The following GABRB3 variants were observed in gnomAD, a reference collection of about 807,000 sequenced individuals.
GABRB3 encodes gamma-aminobutyric acid type A receptor subunit beta3, also known as gamma-aminobutyric acid receptor subunit beta-3.
A neutral mutation model predicts 52.1 loss-of-function variants in GABRB3; 14 were observed. The observed-to-expected ratio is 0.27, with a 90% confidence interval of 0.18 to 0.42. The LOEUF (loss-of-function observed/expected upper bound fraction) is 0.42, where lower values mean the gene tolerates loss of function less well. GABRB3 is among the 10% of genes least tolerant of loss of function. GABRB3 has a pLI of 1.00. For missense variants in GABRB3, 307 were observed against 609.1 expected (o/e 0.50, Z 5.22); for synonymous variants, 260 against 232.3 (o/e 1.12, Z -1.08).
At chr15:26,608,101 G>C (rs1891910131) in intron 4 of GABRB3, among the ~76,000 whole-genome samples, 1 of 121,092 alleles carries the variant, frequency 8.3e-6, no homozygotes, top group Non-Finnish European at 1.6e-5. Flanking sequence ...CATGGTACTG[G>C]CAAAAAAAAA....
intron 3 of GABRB3, among the ~76,000 whole-genome samples, chr15:26,679,850 A>C (rs1389158335): frequency 1.3e-5 from 2 of 152,174 alleles, no homozygotes; most frequent in Non-Finnish European, 2.9e-5. Flanking sequence ...GGCACTTGTC[A>C]ATCATATGTG....
At chr15:26,611,653 G>T (rs566467650) in intron 4 of GABRB3, among the ~76,000 whole-genome samples, 2 of 152,312 alleles carry the variant, frequency 1.3e-5, no homozygotes, top group South Asian at 4.1e-4. Flanking sequence ...GCATGTCTGT[G>T]TAAGGCATAT....
At position 26,545,885 on chromosome 15, in the gene GABRB3, T is replaced by A. The variant is rs1233599773; in HGVS notation, c.*1908A>T. 2 of 152,586 alleles carry A rather than the reference T, an allele frequency of 1.3e-5. No individual in the cohort carries two copies. The highest frequency in any genetic ancestry group is 4.8e-5 in the African/African-American group (2 of 41,438). The allele number at this position is 152,586 out of a possible 1,614,324, so 9.5% of individuals were successfully genotyped here. A position where few individuals can be genotyped will look rare whatever the true frequency, so the allele number is the denominator to read the frequency against. On this transcript the variant is annotated 3_prime_UTR_variant, in exon 9 of 9. Coordinates refer to ENST00000311550, the MANE Select transcript of GABRB3 (RefSeq NM_000814.6). ...GGAAAAGGGTCTAAAAGTAGGTAAT[T>A]GCCTCTAGCGTGAGATTTTGTGGAT...
intron 3 of GABRB3, among the ~76,000 whole-genome samples, chr15:26,656,004 T>C (rs1887361582): frequency 6.6e-6 from 1 of 152,246 alleles, no homozygotes; most frequent in South Asian, 2.1e-4. Flanking sequence ...CTAACGTATT[T>C]TGGCAAGTTA....
At chr15:26,682,894 C>T (rs541187572) in intron 3 of GABRB3, among the ~76,000 whole-genome samples, 384 of 152,312 alleles carry the variant, frequency 2.5e-3, no homozygotes, top group Non-Finnish European at 3.4e-3. Flanking sequence ...CAGCCGGCCA[C>T]TCAGCCTGGA....
intron 3 of GABRB3, among the ~76,000 whole-genome samples, chr15:26,698,733 C>T (rs890064279): frequency 9.9e-5 from 15 of 152,230 alleles, no homozygotes; most frequent in African/African-American, 3.1e-4. Flanking sequence ...TTTCCCCTGT[C>T]GCTCCCCAAA....
chr15:26,581,789 A>C (rs1212540258), intron 5 of GABRB3, among the ~76,000 whole-genome samples: 2 of 152,204 alleles, frequency 1.3e-5, no homozygotes, highest in Admixed American at 6.5e-5. Flanking sequence ...CAACCTCGCA[A>C]TCACTCACTA....
intron 3 of GABRB3, among the ~76,000 whole-genome samples, chr15:26,626,399 G>A (rs529855680): frequency 2.6e-5 from 4 of 152,214 alleles, no homozygotes; most frequent in South Asian, 2.1e-4. Context: ...AGGAAGAGTC[G>A]CCCATCTCTC....
intron 6 of GABRB3, among the ~76,000 whole-genome samples, chr15:26,573,301 T>C (rs985767040): frequency 6.6e-6 from 1 of 152,212 alleles, no homozygotes; most frequent in African/African-American, 2.4e-5. Flanking sequence ...ATAGTGTTTC[T>C]AATTTTTACT....
intron 3 of GABRB3, among the ~76,000 whole-genome samples, chr15:26,758,411 A>G (rs1401301790): frequency 6.6e-6 from 1 of 152,218 alleles, no homozygotes; most frequent in East Asian, 1.9e-4. Context: ...TTCCTTAATT[A>G]TTTTAGAAAC....
chr15:26,708,617 G>C (rs1549482), intron 3 of GABRB3, among the ~76,000 whole-genome samples: 25,230 of 152,232 alleles, frequency 0.17, 2,339 homozygotes, highest in Middle Eastern at 0.26. Context: ...AAAAGAGTAG[G>C]AGTCATCGCA....
intron 3 of GABRB3, among the ~76,000 whole-genome samples, chr15:26,691,456 T>C (rs539811289): frequency 1.3e-4 from 20 of 152,268 alleles, no homozygotes; most frequent in African/African-American, 4.3e-4. Flanking sequence ...ATCCCTTCCA[T>C]TCATTACATC....
intron 3 of GABRB3, among the ~76,000 whole-genome samples, chr15:26,766,215 A>T (rs1186589871): frequency 6.6e-6 from 1 of 152,264 alleles, no homozygotes; most frequent in Admixed American, 6.5e-5. Flanking sequence ...TTTGGTAGTC[A>T]TCAAAATGCA....
chr15:26,611,195 T>C (rs1475946996), intron 4 of GABRB3, among the ~76,000 whole-genome samples: 1 of 152,188 alleles, frequency 6.6e-6, no homozygotes, highest in Non-Finnish European at 1.5e-5. Flanking sequence ...ATAAACTCTT[T>C]AAAAAATGAA....
At chr15:26,557,090 A>G (rs563077522) in intron 8 of GABRB3, among the ~76,000 whole-genome samples, 1 of 152,334 alleles carries the variant, frequency 6.6e-6, no homozygotes, top group South Asian at 2.1e-4. Context: ...ATGGAATACT[A>G]TGCAGCCATA....
At chr15:26,652,559 T>C (rs1268826920) in intron 3 of GABRB3, among the ~76,000 whole-genome samples, 2 of 152,082 alleles carry the variant, frequency 1.3e-5, no homozygotes, top group East Asian at 3.9e-4. Context: ...AACATAAATG[T>C]GTCCTTAATA....
intron 3 of GABRB3, among the ~76,000 whole-genome samples, chr15:26,692,721 G>T (rs531200981): frequency 8.0e-4 from 122 of 152,220 alleles, no homozygotes; most frequent in Non-Finnish European, 1.1e-3. Context: ...AATAGCTTTT[G>T]CAATGAAGGC....
chr15:26,773,546 G>T, upstream of GABRB3: 1 of 914,232 alleles, frequency 1.1e-6, no homozygotes, highest in Non-Finnish European at 1.6e-6. Flanking sequence ...CCGCTGCAGC[G>T]CAGCCCGAGA....
Position 26,651,633 on chromosome 15 carries a change from C to T in GABRB3, c.241-30099G>A, listed in dbSNP as rs144740968. The stretch of plus-strand genomic sequence containing the variant: ...TCACTGCTTTCAAGTGAGAACTAAA[C>T]TCTGACCTTTTTTTCTCTTGCCAAA... On this transcript the variant is annotated intron_variant, in intron 3 of 8. Transcript: ENST00000311550. Among the ~76,000 whole-genome samples, 64 of 152,290 alleles carry T rather than the reference C, an allele frequency of 4.2e-4. 1 individual carries two copies. In the East Asian group the frequency reaches 0.01, roughly 25 times the overall value.
Sources: allele counts gnomAD v4.1 joint callset (sites outside exome capture counted in the v4.1 genomes callset), GRCh38; gene constraint gnomAD v4.1.1; transcripts MANE v1.5; gene names NCBI Gene and HGNC (gene_info 2026-07-23, HGNC 2026-07-21).